The following CTNND2 variants were observed in gnomAD, a reference collection of about 807,000 sequenced individuals.
CTNND2 encodes catenin delta 2, also known as catenin delta-2.
A neutral mutation model predicts 144.4 loss-of-function variants in CTNND2; 22 were observed. The observed-to-expected ratio is 0.15, with a 90% CI of 0.11 to 0.22. CTNND2 has a LOEUF of 0.22. Among genes scored for constraint, CTNND2 ranks in the 10% least tolerant of loss-of-function variants. The probability of loss-of-function intolerance (pLI) is 1.00; values close to 1 mark genes in which losing one functional copy is unlikely to be tolerated. For missense variants in CTNND2, 1,353 were observed against 1,618.8 expected (o/e 0.84, Z 2.82); for synonymous variants, 751 against 695.6 (o/e 1.08, Z -1.25).
At chr5:11,063,976 A>G (rs1450178768) in intron 16 of CTNND2, among the ~76,000 whole-genome samples, 1 of 152,176 alleles carries the variant, frequency 6.6e-6, no homozygotes, top group African/African-American at 2.4e-5. Context: ...ATGCTGGGGA[A>G]GCACAGAGAT....
chr5:11,398,335 C>T (rs1159597169), intron 5 of CTNND2, among the ~76,000 whole-genome samples: 2 of 152,168 alleles, frequency 1.3e-5, no homozygotes, highest in African/African-American at 4.8e-5. Context: ...CTTTATATTT[C>T]GAATGAGACA....
At chr5:10,986,896 T>A (rs532792586) in intron 20 of CTNND2, among the ~76,000 whole-genome samples, 2 of 152,350 alleles carry the variant, frequency 1.3e-5, no homozygotes, top group South Asian at 4.1e-4. Context: ...TAATAAATCA[T>A]CCAATTTGTC....
At chr5:11,235,020 G>A (rs758198) in intron 10 of CTNND2, among the ~76,000 whole-genome samples, 1,975 of 152,196 alleles carry the variant, frequency 0.013, 46 homozygotes, top group African/African-American at 0.045. Flanking sequence ...CACTGTGCTT[G>A]GCCTGGAAAG....
chr5:11,041,520 G>A (rs1744697873), intron 16 of CTNND2, among the ~76,000 whole-genome samples: 1 of 152,050 alleles, frequency 6.6e-6, no homozygotes, highest in South Asian at 2.1e-4. Context: ...CACAGGGATA[G>A]ACTGCCTTTA....
intron 2 of CTNND2, among the ~76,000 whole-genome samples, chr5:11,679,468 T>G (rs1250260151): frequency 1.3e-5 from 2 of 152,218 alleles, no homozygotes; most frequent in Non-Finnish European, 2.9e-5. Context: ...TGGACCATCT[T>G]ATTAGCAGGT....
intron 9 of CTNND2, among the ~76,000 whole-genome samples, chr5:11,344,308 T>A (rs374047149): frequency 4.6e-5 from 7 of 151,320 alleles, no homozygotes; most frequent in African/African-American, 1.7e-4. Flanking sequence ...AGGAGAATGG[T>A]GTGAACCCGG....
At chr5:11,848,933 A>C (rs1309029283) in intron 1 of CTNND2, among the ~76,000 whole-genome samples, 2 of 152,148 alleles carry the variant, frequency 1.3e-5, no homozygotes, top group African/African-American at 4.8e-5. Flanking sequence ...CTAGCATATA[A>C]ACTTGGAGCT....
At chr5:11,261,231 T>C (rs904796822) in intron 9 of CTNND2, among the ~76,000 whole-genome samples, 2 of 152,216 alleles carry the variant, frequency 1.3e-5, no homozygotes, top group Admixed American at 1.3e-4. Flanking sequence ...GTGACAGTGA[T>C]ATTGGGCTGG....
intron 1 of CTNND2, among the ~76,000 whole-genome samples, chr5:11,739,819 T>C (rs552518940): frequency 6.6e-6 from 1 of 152,290 alleles, no homozygotes; most frequent in Non-Finnish European, 1.5e-5. Context: ...AAAATCTCCT[T>C]AAGCTGATAG....
chr5:11,362,177 C>A (rs999266080), intron 8 of CTNND2, among the ~76,000 whole-genome samples: 8 of 149,980 alleles, frequency 5.3e-5, no homozygotes, highest in South Asian at 2.1e-4. Context: ...ACACAGATGA[C>A]CCCCACAAAG....
At chr5:11,577,405 G>T (rs1778054192) in intron 2 of CTNND2, among the ~76,000 whole-genome samples, 1 of 152,200 alleles carries the variant, frequency 6.6e-6, no homozygotes, top group African/African-American at 2.4e-5. Context: ...ATGCTAAATT[G>T]TAATGAGATG....
At chr5:11,467,460 C>T (rs942292499) in intron 3 of CTNND2, among the ~76,000 whole-genome samples, 2 of 152,222 alleles carry the variant, frequency 1.3e-5, no homozygotes, top group African/African-American at 4.8e-5. Flanking sequence ...AACGGTTATA[C>T]TCCAAGTGCC....
intron 21 of CTNND2, among the ~76,000 whole-genome samples, chr5:10,974,045 T>G (rs1736142815): frequency 6.6e-6 from 1 of 152,230 alleles, no homozygotes; most frequent in African/African-American, 2.4e-5. Context: ...ACCATCCGTT[T>G]CCACCACTTT....
At position 11,470,954 on chromosome 5, in the gene CTNND2, G is replaced by GTATATATATATATATATATATATATA. The variant is rs71595821; in HGVS notation, c.288-58911_288-58886dup. ...TACTTTAGCTATTATTTGATACAAA[G>GTATATATATATATATATATATATATA]TATATATATATATATATATATATAT... On this transcript the variant is annotated intron_variant, in intron 3 of 21. Transcript: ENST00000304623. Among the ~76,000 whole-genome samples the GTATATATATATATATATATATATATA allele has an allele frequency of 2.2e-4, 14 of 63,238 alleles. 1 individual carries two copies. The highest frequency in any genetic ancestry group is 3.3e-4 in the Non-Finnish European group (10 of 30,596). The allele number at this position is 63,238 out of a possible 152,430, so 41.5% of individuals were successfully genotyped here. A position where few individuals can be genotyped will look rare whatever the true frequency, so the allele number is the denominator to read the frequency against.
chr5:11,187,311 C>T (rs1263931457), intron 11 of CTNND2, among the ~76,000 whole-genome samples: 6 of 152,110 alleles, frequency 3.9e-5, no homozygotes. Flanking sequence ...ACATCTACAA[C>T]CATCTGATCT....
intron 1 of CTNND2, among the ~76,000 whole-genome samples, chr5:11,797,751 TTTTA>T (rs1482197008): frequency 6.6e-6 from 1 of 152,194 alleles, no homozygotes; most frequent in African/African-American, 2.4e-5. Flanking sequence ...TGGATTTGCA[TTTTA>T]TTTATCTTCT....
chr5:11,171,801 C>T (rs940491002), intron 11 of CTNND2, among the ~76,000 whole-genome samples: 1 of 152,038 alleles, frequency 6.6e-6, no homozygotes, highest in Non-Finnish European at 1.5e-5. Flanking sequence ...TCTTCACTGG[C>T]CCCTGAAGAA....
At chr5:11,565,473 T>C (rs1436817109) in intron 2 of CTNND2, among the ~76,000 whole-genome samples, 10 of 152,228 alleles carry the variant, frequency 6.6e-5, no homozygotes. Context: ...TTTGTGTTTA[T>C]TCCCTACTGG....
At chr5:11,565,136 AG>A (rs1473906543) in intron 2 of CTNND2, 80 bp from the exon 3 acceptor site, 2 of 889,218 alleles carry the variant, frequency 2.2e-6, no homozygotes, top group Non-Finnish European at 3.6e-6. Flanking sequence ...AGGACGGCTG[AG>A]GGAGAAAAAT....
Sources: gnomAD v4.1 joint callset for allele counts (sites outside exome capture counted in the v4.1 genomes callset) on GRCh38, gnomAD v4.1.1 for gene constraint, MANE v1.5 for transcripts, NCBI Gene and HGNC (gene_info 2026-07-23, HGNC 2026-07-21) for gene names.